Variants in SPA17 observed in about 807,000 individuals in gnomAD.
The protein encoded by SPA17 is sperm surface protein Sp17.
In SPA17, 7 loss-of-function variants were observed where a neutral mutation model predicts 13.8. That is an observed-to-expected ratio of 0.51 (90% CI 0.29 to 0.95). The LOEUF (loss-of-function observed/expected upper bound fraction) is 0.95. Among genes scored for constraint, SPA17 ranks in the 40% least tolerant of loss-of-function variants. The pLI, the probability that SPA17 is intolerant of heterozygous loss-of-function variation, is 0.08. For missense variants in SPA17, 170 were observed against 179.3 expected (o/e 0.95, Z 0.30); for synonymous variants, 61 against 59.0 (o/e 1.03, Z -0.16).
chr11:124,675,396 G>C lies in SPA17; in HGVS notation c.132G>C (p.Glu44Asp). Residue 44 changes from glutamate to aspartate, a missense_variant, in exon 2 of 5, where the codon GAG becomes GAC. By Grantham distance (45) the Glu-to-Asp change is conservative (BLOSUM62 2). Transcript: ENST00000227135. ...NIPAFAAAYF[E>D]SLLEKREKTN... ...CAGCTTTTGCAGCAGCCTATTTTGA[G>C]AGCCTTCTAGAGAAAAGAGAGAGTA... The C allele has an allele frequency of 6.2e-7, 1 of 1,611,574 alleles. No homozygotes were observed. The highest frequency in any genetic ancestry group is 8.5e-7 in the Non-Finnish European group (1 of 1,179,412).
intron 2 of SPA17, among the ~76,000 whole-genome samples, chr11:124,679,537 C>T (rs1212956650): frequency 6.6e-6 from 1 of 152,130 alleles, no homozygotes; most frequent in African/African-American, 2.4e-5. Context: ...TGAAAAATAT[C>T]AGTGTGACCT....
At chr11:124,678,973 C>T (rs995142522) in intron 2 of SPA17, among the ~76,000 whole-genome samples, 58 of 151,854 alleles carry the variant, frequency 3.8e-4, no homozygotes, top group African/African-American at 1.3e-3. Flanking sequence ...TCTTGAATTT[C>T]GAATCATAAA....
intron 4 of SPA17, among the ~76,000 whole-genome samples, chr11:124,692,204 A>G (rs1943628649): frequency 2.6e-5 from 4 of 152,352 alleles, no homozygotes; most frequent in Admixed American, 2.6e-4. Flanking sequence ...TAATGGCTTT[A>G]CAACAATGTG....
At chr11:124,685,807 A>G (rs1490530615) in intron 3 of SPA17, among the ~76,000 whole-genome samples, 2 of 152,118 alleles carry the variant, frequency 1.3e-5, no homozygotes, top group African/African-American at 2.4e-5. Context: ...TCAGACTTAC[A>G]TGGGGCCTGT....
intron 2 of SPA17, 175 bp downstream of exon 2, chr11:124,675,593 T>G: frequency 3.3e-6 from 2 of 608,188 alleles, no homozygotes; most frequent in Non-Finnish European, 5.4e-6. Flanking sequence ...TTCTCTTAAA[T>G]TCGTTTCATA....
Position 124,694,464 on chromosome 11 carries a change from C to T in SPA17, c.*18C>T. On this transcript the variant is annotated 3_prime_UTR_variant, in exon 5 of 5. Coordinates refer to ENST00000227135, the MANE Select transcript of SPA17 (RefSeq NM_017425.4). ...ACAAGTGAGGACACTGGTTTTACCTCCAGGAAACATGAAAAATAATCCAAA... is the reference window on the plus strand; with the variant it reads ...ACAAGTGAGGACACTGGTTTTACCTTCAGGAAACATGAAAAATAATCCAAA... The T allele has an allele frequency of 1.9e-6, 3 of 1,577,802 alleles. No homozygotes were observed. In the Middle Eastern group the frequency reaches 5.1e-4, roughly 266 times the overall value.
At position 124,681,422 on chromosome 11, in the gene SPA17, A is replaced by G; in HGVS notation, c.188A>G (p.Lys63Arg). The change falls in exon 3 of 5, where the codon AAG becomes AGG. Residue 63 changes from lysine to arginine, a missense_variant. By Grantham distance (26) the Lys-to-Arg change is conservative. Transcript: ENST00000227135. ...TTTGATCCAGCAGAATGGGGGAGTA[A>G]GGTAGAAGACCGCTTCTATAACAAT... ...TNFDPAEWGS[K>R]VEDRFYNNHA... The G allele has an allele frequency of 6.3e-7, 1 of 1,581,952 alleles. No homozygotes were observed. Among genetic ancestry groups the G allele is most frequent in the Non-Finnish European group, 8.6e-7 (1 of 1,161,534 alleles).
intron 3 of SPA17, among the ~76,000 whole-genome samples, chr11:124,688,158 CA>C: frequency 6.6e-6 from 1 of 152,312 alleles, no homozygotes; most frequent in East Asian, 1.9e-4. Context: ...GGACTACAAA[CA>C]TGTGCCACCA....
chr11:124,677,638 G>A (rs535755856), intron 2 of SPA17, among the ~76,000 whole-genome samples: 2 of 152,202 alleles, frequency 1.3e-5, no homozygotes, highest in East Asian at 3.9e-4. Context: ...AGAAAAGATT[G>A]TTATAAATTG....
At chr11:124,676,196 G>A (rs1943462028) in intron 2 of SPA17, 2 of 152,272 alleles carry the variant, frequency 1.3e-5, no homozygotes, top group African/African-American at 4.8e-5. Context: ...TTTAGTACCA[G>A]CTACTCAGGG....
rs577723961 is a variant in SPA17, at chr11:124,696,463, T to C, written c.*2017T>C. 1 of 150,990 alleles carries C rather than the reference T, an allele frequency of 6.6e-6. No homozygotes were observed. The highest frequency in any genetic ancestry group is 1.9e-4 in the East Asian group (1 of 5,158). The allele number at this position is 150,990 out of a possible 1,614,324, so 9.4% of individuals were successfully genotyped here. A position where few individuals can be genotyped will look rare whatever the true frequency, so the allele number is the denominator to read the frequency against. ...TCTCCTGTTATACACATAAAGTGAC[T>C]AGCACTATGCATTCCATACACACAC... is the stretch of plus-strand genomic sequence containing the variant. On this transcript the variant is annotated 3_prime_UTR_variant, in exon 5 of 5. Transcript: ENST00000227135.
At chr11:124,682,223 A>G (rs910425800) in intron 3 of SPA17, among the ~76,000 whole-genome samples, 25 of 152,152 alleles carry the variant, frequency 1.6e-4, no homozygotes, top group African/African-American at 5.8e-4. Flanking sequence ...TCTGTGTTCC[A>G]TGGTTCAGAT....
At chr11:124,687,940 A>G (rs1943591368) in intron 3 of SPA17, among the ~76,000 whole-genome samples, 1 of 152,154 alleles carries the variant, frequency 6.6e-6, no homozygotes, top group Admixed American at 6.5e-5. Flanking sequence ...AGCCAGAGCA[A>G]TGAGGTAAGG....
At position 124,675,366 on chromosome 11, in the gene SPA17, T is replaced by C. The variant is rs1297335126; in HGVS notation, c.102T>C (p.Asn34=). ...AGATTCTGAGAGAGCAACCGGACAA[T>C]ATACCAGCTTTTGCAGCAGCCTATT... ...TREILREQPD[N]IPAFAAAYFE... is the part of the protein sequence containing the mutation. Residue 34 remains asparagine, a synonymous_variant, in exon 2 of 5, where the codon AAT becomes AAC. Coordinates refer to ENST00000227135, the MANE Select transcript of SPA17 (RefSeq NM_017425.4). 1.2e-6 allele frequency: 2 copies of C among 1,614,178 alleles called. No individual in the cohort carries two copies.
intron 2 of SPA17, chr11:124,675,736 T>C (rs2134404764): frequency 4.6e-6 from 1 of 219,124 alleles, no homozygotes; most frequent in South Asian, 6.8e-5. Flanking sequence ...GATCATACAG[T>C]CTACCCTCGC....
chr11:124,686,087 A>G (rs1943575257), intron 3 of SPA17, among the ~76,000 whole-genome samples: 1 of 149,646 alleles, frequency 6.7e-6, no homozygotes, highest in Non-Finnish European at 1.5e-5. Context: ...GGGCCAAATG[A>G]TATGCTTTGG....
intron 4 of SPA17, 131 bp downstream of exon 4, chr11:124,691,913 A>T: frequency 1.9e-6 from 1 of 513,600 alleles, no homozygotes; most frequent in Non-Finnish European, 3.3e-6. Context: ...CAGATAATTA[A>T]CATCAGTGAT....
Position 124,686,165 on chromosome 11 carries a change from C to G in SPA17, c.225+4706C>G, listed in dbSNP as rs1215008981. Among the ~76,000 whole-genome samples, 7 of 99,134 alleles carry G rather than the reference C, an allele frequency of 7.1e-5. No homozygotes were observed. In the Admixed American group the frequency reaches 9.9e-4, roughly 14 times the overall value. 65.0% of individuals were successfully genotyped at this position (99,134 alleles called of 152,430 possible). ...AATTCCCACATATCATGGGAGGGAT[C>G]TCGTGGAGGTAATGGAATCATGGGT... is the stretch of plus-strand genomic sequence containing the variant. On this transcript the variant is annotated intron_variant, in intron 3 of 4. Coordinates refer to ENST00000227135, the MANE Select transcript of SPA17 (RefSeq NM_017425.4).
intron 2 of SPA17, 97 bp downstream of exon 2, chr11:124,675,515 T>C: frequency 2.2e-6 from 3 of 1,336,190 alleles, no homozygotes; most frequent in South Asian, 2.9e-5. Context: ...GCAGAAAGCC[T>C]TTTATGAGGC....
Sources: allele counts gnomAD v4.1 joint callset (sites outside exome capture counted in the v4.1 genomes callset), GRCh38; gene constraint gnomAD v4.1.1; transcripts MANE v1.5; gene names NCBI Gene and HGNC (gene_info 2026-07-23, HGNC 2026-07-21).